Variants in RBFOX1 observed in about 807,000 individuals in gnomAD.
RBFOX1 encodes the protein RNA binding fox-1 homolog 1, also known as RNA binding protein fox-1 homolog 1.
RBFOX1 carries 8 observed loss-of-function variants against 57.7 expected under a neutral mutation model. The ratio of observed to expected loss-of-function variants is 0.14; its 90% confidence interval spans 0.08 to 0.25. RBFOX1 has a LOEUF of 0.25. RBFOX1 is among the 10% of genes least tolerant of loss of function. The pLI is 1.00. For missense variants in RBFOX1, 611 were observed against 548.5 expected (o/e 1.11, Z -1.14); for synonymous variants, 326 against 222.4 (o/e 1.47, Z -4.15).
At chr16:5,555,618 A>C (rs993576379) in intron 2 of RBFOX1, among the ~76,000 whole-genome samples, 3 of 152,292 alleles carry the variant, frequency 2.0e-5, no homozygotes, top group African/African-American at 7.2e-5. Context: ...AGAGACCGTG[A>C]AAGTTACCAT....
intron 3 of RBFOX1, among the ~76,000 whole-genome samples, chr16:6,694,362 A>C (rs149109698): frequency 1.3e-5 from 2 of 152,188 alleles, no homozygotes; most frequent in African/African-American, 4.8e-5. Flanking sequence ...AATTATGTAG[A>C]TTATATCCAC....
At chr16:5,753,072 A>T (rs2053268586) in intron 3 of RBFOX1, among the ~76,000 whole-genome samples, 1 of 151,972 alleles carries the variant, frequency 6.6e-6, no homozygotes, top group African/African-American at 2.4e-5. Context: ...AGGTGGGAGG[A>T]TTGCTTTAAC....
chr16:5,404,657 G>T (rs2151447316), intron 1 of RBFOX1, among the ~76,000 whole-genome samples: 2 of 152,292 alleles, frequency 1.3e-5, no homozygotes, highest in Middle Eastern at 6.8e-3. Flanking sequence ...CCCCTATTCT[G>T]TGCACAGATG....
chr16:7,233,243 C>A (rs1425251117), intron 4 of RBFOX1, among the ~76,000 whole-genome samples: 1 of 151,374 alleles, frequency 6.6e-6, no homozygotes, highest in Non-Finnish European at 1.5e-5. Flanking sequence ...GATTCTTATC[C>A]CATTGACTTT....
chr16:6,754,049 C>G (rs1181920963), intron 3 of RBFOX1, among the ~76,000 whole-genome samples: 2 of 151,976 alleles, frequency 1.3e-5, no homozygotes, highest in East Asian at 3.9e-4. Flanking sequence ...ATATACATAC[C>G]CACTCTTCAG....
chr16:6,858,869 A>C (rs955533061), intron 3 of RBFOX1, among the ~76,000 whole-genome samples: 1 of 151,782 alleles, frequency 6.6e-6, no homozygotes, highest in Non-Finnish European at 1.5e-5. Flanking sequence ...ACTCGTAGCT[A>C]TTTCTGAAGC....
rs1567632519 is a variant in RBFOX1 at position 5,856,603 on chromosome 16, AT to A, written c.319-10699del. ...TATATATATATATATATATATATAT[AT>A]AATCTTAGCCAGATCTTCTGGATAA... On this transcript the variant is annotated intron_variant, in intron 3 of 19. Transcript: ENST00000641259. Among the ~76,000 whole-genome samples the A allele has an allele frequency of 5.7e-4, 63 of 110,678 alleles. 7 individuals are homozygous for A. The highest frequency in any genetic ancestry group is 8.1e-4 in the East Asian group (3 of 3,726). 72.6% of individuals were successfully genotyped at this position (110,678 alleles called of 152,430 possible).
At chr16:6,514,524 T>C (rs2096330683) in intron 2 of RBFOX1, among the ~76,000 whole-genome samples, 1 of 152,208 alleles carries the variant, frequency 6.6e-6, no homozygotes, top group South Asian at 2.1e-4. Context: ...TATTTGTGTT[T>C]CAATGATGTT....
At position 6,280,594 on chromosome 16, in the gene RBFOX1, T is replaced by C. The variant is rs576528738; in HGVS notation, c.-126-36401T>C. ...ACACAGGCACTTAGACAATGTAATG[T>C]CGCAGTACTCAGGAAGGTGGCCGTG... On this transcript the variant is annotated intron_variant, in intron 1 of 15. Coordinates refer to ENST00000550418, the MANE Select transcript of RBFOX1 (RefSeq NM_018723.4). Among the ~76,000 whole-genome samples, 22 of 152,244 alleles carry C rather than the reference T, an allele frequency of 1.4e-4. No individual in the cohort carries two copies. The East Asian group carries it at 4.1e-3, about 28-fold the overall frequency.
At chr16:6,787,090 T>C (rs9932657) in intron 3 of RBFOX1, among the ~76,000 whole-genome samples, 1 of 151,974 alleles carries the variant, frequency 6.6e-6, no homozygotes, top group Non-Finnish European at 1.5e-5. Context: ...CCCTCATAGA[T>C]TGTACCTTCA....
At chr16:7,464,058 C>T (rs528695048) in intron 4 of RBFOX1, among the ~76,000 whole-genome samples, 21 of 152,274 alleles carry the variant, frequency 1.4e-4, no homozygotes, top group African/African-American at 4.1e-4. Context: ...TTTGCATAAC[C>T]CATGTCTTCC....
chr16:7,230,932 C>G (rs1193661777), intron 4 of RBFOX1, among the ~76,000 whole-genome samples: 1 of 151,992 alleles, frequency 6.6e-6, no homozygotes, highest in South Asian at 2.1e-4. Context: ...TTAATTTTAC[C>G]TTCTGATGTT....
intron 2 of RBFOX1, among the ~76,000 whole-genome samples, chr16:6,449,640 G>A (rs958298235): frequency 1.3e-5 from 2 of 152,234 alleles, no homozygotes; most frequent in Non-Finnish European, 2.9e-5. Context: ...AAGTCATCTT[G>A]TCTTTCAGTG....
intron 4 of RBFOX1, among the ~76,000 whole-genome samples, chr16:5,982,906 C>T (rs181964677): frequency 1.3e-5 from 2 of 152,300 alleles, no homozygotes; most frequent in East Asian, 1.9e-4. Context: ...TTTAATGAAT[C>T]ATGAGTGAAT....
At chr16:6,853,473 G>A (rs1173909129) in intron 3 of RBFOX1, among the ~76,000 whole-genome samples, 1 of 152,112 alleles carries the variant, frequency 6.6e-6, no homozygotes, top group Non-Finnish European at 1.5e-5. Flanking sequence ...GATGGAGGAT[G>A]GTGCCTACAG....
chr16:5,841,470 C>G (rs1053471396), intron 3 of RBFOX1, among the ~76,000 whole-genome samples: 3 of 152,206 alleles, frequency 2.0e-5, no homozygotes, highest in Non-Finnish European at 2.9e-5. Context: ...CACCTTGTCC[C>G]TCCCACAAAA....
At chr16:6,908,382 C>T (rs1437034396) in intron 3 of RBFOX1, among the ~76,000 whole-genome samples, 1 of 152,090 alleles carries the variant, frequency 6.6e-6, no homozygotes, top group Non-Finnish European at 1.5e-5. Context: ...GTGTGTCTGT[C>T]TGCCTGCCTT....
intron 1 of RBFOX1, among the ~76,000 whole-genome samples, chr16:6,172,588 C>G (rs1222332385): frequency 6.6e-6 from 1 of 152,082 alleles, no homozygotes; most frequent in Non-Finnish European, 1.5e-5. Context: ...TGTGATGCAG[C>G]CTCAGTGGTG....
intron 3 of RBFOX1, among the ~76,000 whole-genome samples, chr16:5,715,320 T>C (rs2051653600): frequency 6.6e-6 from 1 of 152,204 alleles, no homozygotes; most frequent in Non-Finnish European, 1.5e-5. Context: ...ACTGGGCTCC[T>C]AGATTACTAA....
Sources: gnomAD v4.1 joint callset for allele counts (sites outside exome capture counted in the v4.1 genomes callset) on GRCh38, gnomAD v4.1.1 for gene constraint, MANE v1.5 for transcripts, NCBI Gene and HGNC (gene_info 2026-07-23, HGNC 2026-07-21) for gene names.